Variants in KCNH5 observed in about 807,000 individuals in gnomAD.
KCNH5 encodes the protein voltage-gated delayed rectifier potassium channel KCNH5.
KCNH5 carries 46 observed loss-of-function variants against 96.1 expected under a neutral mutation model. The ratio of observed to expected loss-of-function variants is 0.48; its 90% CI spans 0.38 to 0.61. The LOEUF is 0.61. Among genes scored for constraint, KCNH5 ranks in the 20% least tolerant of loss-of-function variants. The pLI, the probability that KCNH5 is intolerant of heterozygous loss-of-function variation, is 0.00. For missense variants in KCNH5, 907 were observed against 1,225.8 expected (o/e 0.74, Z 3.88); for synonymous variants, 439 against 449.8 (o/e 0.98, Z 0.30).
intron 6 of KCNH5, among the ~76,000 whole-genome samples, chr14:62,960,372 C>A (rs899658709): frequency 6.6e-6 from 1 of 152,120 alleles, no homozygotes; most frequent in Non-Finnish European, 1.5e-5. Context: ...TTATCCCTAG[C>A]ACACTCTAGC....
chr14:62,963,189 A>G lies in KCNH5; in HGVS notation c.943-12630T>C, dbSNP rs147256159. 9.9e-4 allele frequency among the ~76,000 whole-genome samples: 151 copies of G among 152,256 alleles called. 2 individuals are homozygous for G. Among genetic ancestry groups the G allele is most frequent in the Middle Eastern group, 3.4e-3 (1 of 294 alleles). On this transcript the variant is annotated intron_variant, in intron 6 of 10. Coordinates refer to ENST00000322893, the MANE Select transcript of KCNH5 (RefSeq NM_139318.5). ...ACTTTTATTACAGTACATTATAGTA[A>G]TTCTTCTATGTTGTTATATTGTTTA...
intron 7 of KCNH5, among the ~76,000 whole-genome samples, chr14:62,894,418 A>G (rs1167137294): frequency 6.6e-6 from 1 of 152,192 alleles, no homozygotes; most frequent in Non-Finnish European, 1.5e-5. Flanking sequence ...CAATCAAGCA[A>G]TTTAAGTGTT....
chr14:63,011,304 C>G (rs1247961317), intron 2 of KCNH5, among the ~76,000 whole-genome samples: 1 of 151,846 alleles, frequency 6.6e-6, no homozygotes, highest in Non-Finnish European at 1.5e-5. Context: ...CCAGCTGAAA[C>G]CCCATCTACA....
chr14:62,791,475 G>C (rs1378661090), intron 9 of KCNH5, among the ~76,000 whole-genome samples: 1 of 151,502 alleles, frequency 6.6e-6, no homozygotes, highest in African/African-American at 2.4e-5. Flanking sequence ...CAAAAGACAG[G>C]GTGGCTGAAT....
chr14:62,754,527 C>T (rs1885575987), intron 10 of KCNH5, among the ~76,000 whole-genome samples: 1 of 150,564 alleles, frequency 6.6e-6, no homozygotes, highest in Non-Finnish European at 1.5e-5. Context: ...CTATAAAGCA[C>T]ACACAGACTA....
At chr14:62,750,730 G>A (rs1400322476) in intron 10 of KCNH5, among the ~76,000 whole-genome samples, 2 of 152,158 alleles carry the variant, frequency 1.3e-5, no homozygotes, top group Non-Finnish European at 2.9e-5. Flanking sequence ...TACCAGAAAG[G>A]CATACTTAGA....
chr14:62,947,392 A>G (rs768370896), intron 7 of KCNH5, among the ~76,000 whole-genome samples: 23 of 152,040 alleles, frequency 1.5e-4, no homozygotes, highest in Non-Finnish European at 2.8e-4. Flanking sequence ...GTATAAGGAC[A>G]TTTTCCTGCT....
chr14:62,961,115 G>C (rs369821740), intron 6 of KCNH5, among the ~76,000 whole-genome samples: 93 of 152,066 alleles, frequency 6.1e-4, no homozygotes, highest in African/African-American at 2.2e-3. Flanking sequence ...CAAACATTAT[G>C]ATATGTGTAC....
chr14:62,944,114 G>A (rs1482950465), intron 7 of KCNH5, among the ~76,000 whole-genome samples: 2 of 152,072 alleles, frequency 1.3e-5, no homozygotes, highest in East Asian at 3.9e-4. Context: ...CTTAGACAGA[G>A]CCCACATCCA....
At chr14:62,927,690 A>G (rs946183330) in intron 7 of KCNH5, among the ~76,000 whole-genome samples, 18 of 152,254 alleles carry the variant, frequency 1.2e-4, no homozygotes, top group African/African-American at 3.4e-4. Context: ...TCAAATTCAT[A>G]GAGACAGAAA....
intron 3 of KCNH5, among the ~76,000 whole-genome samples, chr14:63,002,889 T>C (rs1566536335): frequency 6.6e-6 from 1 of 152,134 alleles, no homozygotes; most frequent in Non-Finnish European, 1.5e-5. Flanking sequence ...AGAGGCTTGT[T>C]CATTTTTTTC....
At chr14:62,830,639 G>A (rs1367348525) in intron 8 of KCNH5, among the ~76,000 whole-genome samples, 1 of 121,350 alleles carries the variant, frequency 8.2e-6, no homozygotes, top group Non-Finnish European at 1.8e-5. Context: ...ACCACCCCCC[G>A]ATCCAGGATC....
rs192181149 is a variant in KCNH5 at position 62,822,397 on chromosome 14, G to A, written c.1570-19816C>T. Among the ~76,000 whole-genome samples, 41 of 152,222 alleles carry A rather than the reference G, an allele frequency of 2.7e-4. 1 individual carries two copies. Among genetic ancestry groups the A allele is most frequent in the African/African-American group, 9.1e-4 (38 of 41,558 alleles). On this transcript the variant is annotated intron_variant, in intron 8 of 10. Transcript: ENST00000322893. ...TTATAGCTATAGTAATTAAGACAGC[G>A]TGATGTTGGCAGAGGGACAGACACA...
At chr14:63,002,503 A>G (rs1594669130) in intron 3 of KCNH5, among the ~76,000 whole-genome samples, 1 of 152,324 alleles carries the variant, frequency 6.6e-6, no homozygotes, top group East Asian at 1.9e-4. Context: ...ATTTTAAGAC[A>G]TAAAGGTTTT....
chr14:63,033,440 G>C lies in KCNH5; in HGVS notation c.73+11674C>G, dbSNP rs539112315. Reference sequence around the variant, plus strand: ...TATCCTCTTGTTACCTCTCACTGTAGGTATCAATTTAACACTACTTCTTTA... The same window carrying C: ...TATCCTCTTGTTACCTCTCACTGTACGTATCAATTTAACACTACTTCTTTA... On this transcript the variant is annotated intron_variant, in intron 1 of 10. Coordinates refer to ENST00000322893, the MANE Select transcript of KCNH5 (RefSeq NM_139318.5). Among the ~76,000 whole-genome samples, 12 of 152,220 alleles carry C rather than the reference G, an allele frequency of 7.9e-5. No homozygotes were observed. In the East Asian group the frequency reaches 2.3e-3, roughly 29 times the overall value.
In KCNH5 at chr14:62,853,460, T is replaced by TATATATATATATATATC. The variant is rs1887856243; in HGVS notation, c.1370-3609_1370-3608insGATATATATATATATAT. 6.7e-5 allele frequency among the ~76,000 whole-genome samples: 6 copies of TATATATATATATATATC among 89,538 alleles called. No individual in the cohort carries two copies. In the Admixed American group the frequency reaches 7.5e-4, roughly 11 times the overall value. The allele number at this position is 89,538 out of a possible 152,430, so 58.7% of individuals were successfully genotyped here. ...TTCCCAAACAAAAAGAATAATCATA[T>TATATATATATATATATC]ATATATATATATATATATATCATAT... On this transcript the variant is annotated intron_variant, in intron 7 of 10. Transcript: ENST00000322893.
At chr14:62,749,356 C>T (rs1171413513) in intron 10 of KCNH5, among the ~76,000 whole-genome samples, 2 of 152,160 alleles carry the variant, frequency 1.3e-5, no homozygotes, top group East Asian at 3.9e-4. Flanking sequence ...GAGTTTAATT[C>T]CAGATAAGCA....
At chr14:63,000,984 G>A (rs1891000313) in intron 4 of KCNH5, among the ~76,000 whole-genome samples, 1 of 152,084 alleles carries the variant, frequency 6.6e-6, no homozygotes, top group Non-Finnish European at 1.5e-5. Context: ...CTGAGGTGGG[G>A]GGACCACTTG....
rs144616688 is a variant in KCNH5, at chr14:62,968,666, T to C, written c.942+12206A>G. ...CCTCTGGCCTTATCTTTCCCATTAT[T>C]AACAAAAAGCATGTATAGTTAGGAA... On this transcript the variant is annotated intron_variant, in intron 6 of 10. Transcript: ENST00000322893. 8.1e-3 allele frequency among the ~76,000 whole-genome samples: 1,241 copies of C among 152,312 alleles called. 10 individuals are homozygous for C. The highest frequency in any genetic ancestry group is 0.012 in the Non-Finnish European group (801 of 68,028).
Sources: gnomAD v4.1 joint callset for allele counts (sites outside exome capture counted in the v4.1 genomes callset) on GRCh38, gnomAD v4.1.1 for gene constraint, MANE v1.5 for transcripts, NCBI Gene and HGNC (gene_info 2026-07-23, HGNC 2026-07-21) for gene names.